The following IGF2R variants were observed in gnomAD, a reference collection of about 807,000 sequenced individuals.
The protein encoded by IGF2R is insulin like growth factor 2 receptor.
IGF2R carries 91 observed loss-of-function variants against 270.6 expected under a neutral mutation model. The observed-to-expected ratio is 0.34, with a 90% CI of 0.28 to 0.40. The LOEUF is 0.40. Among genes scored for constraint, IGF2R ranks in the 10% least tolerant of loss-of-function variants. The pLI is 1.00. For missense variants in IGF2R, 2,805 were observed against 3,188.3 expected (o/e 0.88, Z 2.90); for synonymous variants, 1,316 against 1,258.9 (o/e 1.05, Z -0.96).
rs897922681 is a variant in IGF2R at position 160,111,151 on chromosome 6, T to C, written c.*6067T>C. 1 of 152,206 alleles carries C rather than the reference T, an allele frequency of 6.6e-6. No homozygotes were observed. Among genetic ancestry groups the C allele is most frequent in the African/African-American group, 2.4e-5 (1 of 41,466 alleles). 9.4% of individuals were successfully genotyped at this position (152,206 alleles called of 1,614,324 possible). A position where few individuals can be genotyped will look rare whatever the true frequency, so the allele number is the denominator to read the frequency against. On this transcript the variant is annotated 3_prime_UTR_variant, in exon 48 of 48. Transcript: ENST00000356956. Reference sequence around the variant, plus strand: ...GGCAATGATTTTGTAATGATAAGTATCTCAAAACATCATGTTGTACAACAT... The same window carrying C: ...GGCAATGATTTTGTAATGATAAGTACCTCAAAACATCATGTTGTACAACAT...
chr6:160,070,259 G>A (rs1341267026), intron 31 of IGF2R, among the ~76,000 whole-genome samples: 3 of 152,222 alleles, frequency 2.0e-5, no homozygotes, highest in Non-Finnish European at 2.9e-5. Flanking sequence ...CTCCTTAGAA[G>A]CTTGCCTGGC....
intron 10 of IGF2R, among the ~76,000 whole-genome samples, chr6:160,035,743 T>G (rs916981431): frequency 2.0e-5 from 3 of 152,188 alleles, no homozygotes; most frequent in African/African-American, 7.2e-5. Flanking sequence ...GTTCACAGAC[T>G]AGCAGCAGAG....
intron 12 of IGF2R, among the ~76,000 whole-genome samples, chr6:160,043,713 G>A (rs986250691): frequency 2.6e-5 from 4 of 152,178 alleles, no homozygotes; most frequent in Non-Finnish European, 4.4e-5. Context: ...TGCATGCTTC[G>A]CTTCCTTTTG....
chr6:159,980,793 A>C (rs546791944), intron 1 of IGF2R, among the ~76,000 whole-genome samples: 1 of 152,188 alleles, frequency 6.6e-6, no homozygotes, highest in African/African-American at 2.4e-5. Flanking sequence ...CTGAACATTA[A>C]GGTCTGAATT....
intron 28 of IGF2R, 102 bp from the exon 29 acceptor site, chr6:160,064,702 C>A: frequency 9.0e-7 from 1 of 1,106,490 alleles, no homozygotes; most frequent in Non-Finnish European, 1.3e-6. Flanking sequence ...TATTGATTTT[C>A]ATGAACGTAA....
intron 11 of IGF2R, among the ~76,000 whole-genome samples, chr6:160,041,252 T>TGG (rs141884199): frequency 1.5e-4 from 23 of 151,742 alleles, no homozygotes; most frequent in Admixed American, 6.6e-5. Context: ...GATAATCTGA[T>TGG]GGGGGGGATT....
At position 160,050,592 on chromosome 6, in the gene IGF2R, C is replaced by A; in HGVS notation, c.2634C>A (p.Ser878Arg). ...EYVNGSACTT[S>R]DGRQTTYTTR... ...TGAATGGGTCGGCCTGCACCACCAGCGATGGCAGACAGACCACATATACCA... is the reference window on the plus strand; with the variant it reads ...TGAATGGGTCGGCCTGCACCACCAGAGATGGCAGACAGACCACATATACCA... Residue 878 changes from serine (S) to arginine (R), a missense_variant, in exon 19 of 48, where the codon AGC becomes AGA. This residue lies in a region of IGF2R where 1,851 missense variants were observed against 2,207.2 expected (regional missense o/e 0.84). Coordinates refer to ENST00000356956, the MANE Select transcript of IGF2R (RefSeq NM_000876.4). The surrounding 1 kb of genome is among the most constrained non-coding windows in gnomAD (Gnocchi z 4.0). 1 of 1,613,980 alleles carries A rather than the reference C, an allele frequency of 6.2e-7. No individual in the cohort carries two copies. The highest frequency in any genetic ancestry group is 8.5e-7 in the Non-Finnish European group (1 of 1,179,886).
intron 35 of IGF2R, 122 bp from the exon 36 acceptor site, chr6:160,075,725 A>G (rs1778842230): frequency 4.3e-6 from 4 of 938,790 alleles, no homozygotes; most frequent in Non-Finnish European, 6.5e-6. Context: ...GTTTCTTTAG[A>G]TGCTGCTCAT....
Position 160,009,114 on chromosome 6 carries a change from T to A in IGF2R, c.394T>A (p.Phe132Ile). 1 of 1,613,898 alleles carries A rather than the reference T, an allele frequency of 6.2e-7. No homozygotes were observed. Among genetic ancestry groups the A allele is most frequent in the Non-Finnish European group, 8.5e-7 (1 of 1,179,912 alleles). ...TNHRVQSSIA[F>I]LCGKTLGTPE... ...TCACAGAGTCCAGAGCAGCATTGCC[T>A]TCCTGTGTGGGAAAACCCTGGTGAG... Residue 132 changes from phenylalanine (F) to isoleucine (I), a missense_variant, in exon 3 of 48, where the codon TTC becomes ATC. This residue lies in a region of IGF2R where 954 missense variants were observed against 981.1 expected (regional missense o/e 0.97). Transcript: ENST00000356956.
chr6:159,984,687 C>T (rs1181218603), intron 1 of IGF2R, among the ~76,000 whole-genome samples: 3 of 152,086 alleles, frequency 2.0e-5, no homozygotes, highest in South Asian at 4.1e-4. Context: ...CAGATACACT[C>T]GATGATGTTT....
At chr6:160,062,950 C>T (rs549336033) in intron 26 of IGF2R, among the ~76,000 whole-genome samples, 2 of 132,222 alleles carry the variant, frequency 1.5e-5, no homozygotes, top group Admixed American at 7.6e-5. Flanking sequence ...GTTTGCCAGG[C>T]GATTTGTATT....
chr6:160,024,011 A>G (rs569990615), intron 4 of IGF2R, among the ~76,000 whole-genome samples: 2 of 152,328 alleles, frequency 1.3e-5, no homozygotes, highest in East Asian at 3.9e-4. Context: ...GAGAATGATC[A>G]GTAGCATCCA....
intron 2 of IGF2R, among the ~76,000 whole-genome samples, chr6:160,008,141 A>T (rs992321310): frequency 3.9e-5 from 6 of 152,192 alleles, no homozygotes; most frequent in African/African-American, 1.4e-4. Flanking sequence ...ATTCAAAGCC[A>T]TTCTGGGCTG....
In IGF2R at chr6:159,969,120, C is replaced by A. The variant is rs1783565046; in HGVS notation, c.-127C>A. The A allele has an allele frequency of 6.6e-6, 3 of 455,842 alleles. No homozygotes were observed. Among genetic ancestry groups the A allele is most frequent in the Non-Finnish European group, 8.6e-6 (3 of 346,854 alleles). 28.2% of individuals were successfully genotyped at this position (455,842 alleles called of 1,614,324 possible). Reference sequence around the variant, plus strand: ...TCGCCGAGCCCAGTCGAGCCGCGCTCACCTCGGGCTCCCGCTCCGTCTCCA... The same window carrying A: ...TCGCCGAGCCCAGTCGAGCCGCGCTAACCTCGGGCTCCCGCTCCGTCTCCA... On this transcript the variant is annotated 5_prime_UTR_variant, in exon 1 of 48. Transcript: ENST00000356956.
intron 6 of IGF2R, among the ~76,000 whole-genome samples, chr6:160,027,568 A>G (rs1777589474): frequency 6.6e-6 from 1 of 152,224 alleles, no homozygotes; most frequent in Non-Finnish European, 1.5e-5. Context: ...ACATACCTGT[A>G]TTTGCCTCAT....
intron 2 of IGF2R, among the ~76,000 whole-genome samples, chr6:159,996,190 G>A (rs113067658): frequency 0.036 from 5,525 of 152,186 alleles, 139 homozygotes; most frequent in South Asian, 0.089. Context: ...ACCGTCTCCC[G>A]CGGGGCCTGG....
intron 29 of IGF2R, among the ~76,000 whole-genome samples, 184 bp from the exon 30 acceptor site, chr6:160,068,065 G>GTGTGTGTGTGT (rs973206316): frequency 2.2e-4 from 17 of 77,478 alleles, no homozygotes; most frequent in African/African-American, 7.6e-4. Flanking sequence ...TCTGATGGGG[G>GTGTGTGTGTGT]GTGTGTGTGT....
chr6:160,041,318 G>C (rs1166442412), intron 11 of IGF2R, among the ~76,000 whole-genome samples: 1 of 152,184 alleles, frequency 6.6e-6, no homozygotes, highest in Non-Finnish European at 1.5e-5. Flanking sequence ...AGTTGCCTCT[G>C]TAAGGGGGAG....
At chr6:160,047,708 T>A (rs1477077252) in intron 16 of IGF2R, 84 bp from the exon 17 acceptor site, 4 of 860,816 alleles carry the variant, frequency 4.6e-6, no homozygotes, top group Non-Finnish European at 8.1e-6. Context: ...TTGGGAACAT[T>A]GCTCTCGTCC....
Sources: gnomAD v4.1 joint callset for allele counts (sites outside exome capture counted in the v4.1 genomes callset) on GRCh38, gnomAD v4.1.1 for gene constraint, gnomAD v4.1.1 regional missense constraint, Gnocchi (gnomAD v3.1) non-coding constraint, MANE v1.5 for transcripts, NCBI Gene and HGNC (gene_info 2026-07-23, HGNC 2026-07-21) for gene names.